AKT3: variants seen among roughly 807,000 people sequenced by gnomAD.
AKT3 encodes RAC-gamma serine/threonine-protein kinase.
Under a neutral mutation model 65.3 loss-of-function variants are expected in AKT3, and 15 were observed. The ratio of observed to expected loss-of-function variants is 0.23; its 90% CI spans 0.15 to 0.35. The LOEUF (loss-of-function observed/expected upper bound fraction) is 0.35, where lower values mean the gene tolerates loss of function less well. Ranked by LOEUF, AKT3 falls within the 10% of genes least tolerant of loss-of-function variation. The pLI, the probability that AKT3 is intolerant of heterozygous loss-of-function variation, is 1.00. For synonymous variants in AKT3, 206 were observed against 183.8 expected, an observed-to-expected ratio of 1.12 and a Z score of -0.98; for missense variants, 243 against 576.5, an observed-to-expected ratio of 0.42 and a Z score of 5.92.
rs192837238 is a variant in AKT3, at chr1:243,761,898, T to G, written c.47-66182A>C. 1.2e-4 allele frequency among the ~76,000 whole-genome samples: 19 copies of G among 152,266 alleles called. No individual in the cohort carries two copies. The East Asian group carries it at 3.5e-3, about 28-fold the overall frequency. On this transcript the variant is annotated intron_variant, in intron 2 of 13. Transcript: ENST00000673466. ...AAAAGGCACAGAATTTTGATTCCTT[T>G]ATCCTGGAATCTCTCTTGTCTCAAC... is the stretch of plus-strand genomic sequence containing the variant.
intron 8 of AKT3, among the ~76,000 whole-genome samples, chr1:243,598,476 G>A (rs575901127): frequency 1.3e-5 from 2 of 152,090 alleles, no homozygotes; most frequent in South Asian, 4.2e-4. Flanking sequence ...AAATATACAA[G>A]CATATTTCAT....
chr1:243,750,106 A>G (rs1320492065), intron 2 of AKT3, among the ~76,000 whole-genome samples: 1 of 152,222 alleles, frequency 6.6e-6, no homozygotes, highest in Non-Finnish European at 1.5e-5. Context: ...TTTTATAAAG[A>G]AAGTGCTTCA....
intron 2 of AKT3, among the ~76,000 whole-genome samples, chr1:243,811,881 AT>A (rs746496070): frequency 1.2e-4 from 19 of 152,224 alleles, no homozygotes; most frequent in Non-Finnish European, 2.4e-4. Context: ...GTCTACAACC[AT>A]CTGATCTTTG....
intron 2 of AKT3, among the ~76,000 whole-genome samples, chr1:243,820,575 T>C (rs7552820): frequency 0.51 from 77,795 of 152,022 alleles, 23,755 homozygotes; most frequent in Non-Finnish European, 0.68. Context: ...CAGGAGCTGT[T>C]AACCAGAATA....
chr1:243,673,271 A>C (rs1479010359), intron 3 of AKT3, among the ~76,000 whole-genome samples: 1 of 152,216 alleles, frequency 6.6e-6, no homozygotes, highest in Non-Finnish European at 1.5e-5. Flanking sequence ...TACATACATA[A>C]GTATAGGCAA....
chr1:243,627,581 GA>G (rs2148635239), intron 6 of AKT3, among the ~76,000 whole-genome samples: 1 of 152,280 alleles, frequency 6.6e-6, no homozygotes, highest in South Asian at 2.1e-4. Context: ...GACGGTATCA[GA>G]AACCTAAGAA....
At chr1:243,554,617 T>C (rs1297034153) in intron 10 of AKT3, among the ~76,000 whole-genome samples, 2 of 152,214 alleles carry the variant, frequency 1.3e-5, no homozygotes, top group South Asian at 2.1e-4. Context: ...ATCTCGCTCA[T>C]GGCCAATTAG....
At chr1:243,826,471 T>C (rs1161577580) in intron 2 of AKT3, among the ~76,000 whole-genome samples, 1 of 152,168 alleles carries the variant, frequency 6.6e-6, no homozygotes, top group Non-Finnish European at 1.5e-5. Context: ...ATAACCCAGT[T>C]CTGGAAAAGT....
intron 5 of AKT3, among the ~76,000 whole-genome samples, chr1:243,641,781 CA>C (rs1176500040): frequency 6.6e-6 from 1 of 151,840 alleles, no homozygotes; most frequent in African/African-American, 2.4e-5. Context: ...CAAAAAAATA[CA>C]AAAATTAGCC....
At chr1:243,514,686 T>C (rs537777513) in intron 12 of AKT3, among the ~76,000 whole-genome samples, 1 of 152,232 alleles carries the variant, frequency 6.6e-6, no homozygotes, top group Admixed American at 6.5e-5. Flanking sequence ...TTGGGCTGGG[T>C]GTGGCAGCGG....
At chr1:243,826,061 G>A (rs749597584) in intron 2 of AKT3, among the ~76,000 whole-genome samples, 2 of 151,892 alleles carry the variant, frequency 1.3e-5, no homozygotes, top group Admixed American at 1.3e-4. Context: ...GAACCCGGGA[G>A]ACAAAGGTTA....
intron 2 of AKT3, among the ~76,000 whole-genome samples, chr1:243,764,019 T>C (rs1458691482): frequency 6.6e-6 from 1 of 152,122 alleles, no homozygotes; most frequent in Non-Finnish European, 1.5e-5. Context: ...ATTTTTACCC[T>C]GAACTCGGAT....
intron 8 of AKT3, among the ~76,000 whole-genome samples, chr1:243,611,683 C>CAA (rs11374397): frequency 2.6e-4 from 39 of 147,360 alleles, no homozygotes; most frequent in Non-Finnish European, 3.6e-4. Context: ...GACCCCATCT[C>CAA]AAAAAAAAAA....
chr1:243,704,276 A>G (rs1220729818), intron 2 of AKT3, among the ~76,000 whole-genome samples: 1 of 152,228 alleles, frequency 6.6e-6, no homozygotes, highest in Admixed American at 6.5e-5. Flanking sequence ...GGTGAGTGTC[A>G]AAATATGTAC....
At chr1:243,715,682 G>A (rs921323028) in intron 2 of AKT3, among the ~76,000 whole-genome samples, 2 of 151,844 alleles carry the variant, frequency 1.3e-5, no homozygotes, top group African/African-American at 2.4e-5. Flanking sequence ...TTAAATAAAC[G>A]AGGGAAAGAA....
chr1:243,757,048 G>A (rs942066751), intron 2 of AKT3, among the ~76,000 whole-genome samples: 8 of 152,152 alleles, frequency 5.3e-5, no homozygotes, highest in Admixed American at 5.2e-4. Context: ...GCCATAAAAG[G>A]AAAGACTATG....
chr1:243,709,228 A>C (rs1285104588), intron 2 of AKT3, among the ~76,000 whole-genome samples: 1 of 150,982 alleles, frequency 6.6e-6, no homozygotes, highest in East Asian at 1.9e-4. Context: ...GTAACTATCC[A>C]ACTTTCCAGG....
chr1:243,778,598 A>G (rs903732935), intron 2 of AKT3, among the ~76,000 whole-genome samples: 1 of 152,192 alleles, frequency 6.6e-6, no homozygotes, highest in Non-Finnish European at 1.5e-5. Context: ...CTGTAGGCCA[A>G]TGGTTTAGAG....
intron 12 of AKT3, among the ~76,000 whole-genome samples, chr1:243,544,858 G>C (rs891092403): frequency 6.6e-6 from 1 of 151,370 alleles, no homozygotes; most frequent in African/African-American, 2.4e-5. Context: ...ACCACGCCCA[G>C]TTGATTTTTT....
Sources: allele counts gnomAD v4.1 joint callset (sites outside exome capture counted in the v4.1 genomes callset), GRCh38; gene constraint gnomAD v4.1.1; transcripts MANE v1.5; gene names NCBI Gene and HGNC (gene_info 2026-07-23, HGNC 2026-07-21).